The following SPARCL1 variants were observed in gnomAD, a reference collection of about 807,000 sequenced individuals.
The protein encoded by SPARCL1 is SPARC-like protein 1.
SPARCL1 carries 52 observed loss-of-function variants against 67.1 expected under a neutral mutation model. The ratio of observed to expected loss-of-function variants is 0.78; its 90% confidence interval spans 0.62 to 0.98. SPARCL1 has a LOEUF of 0.98. Ranked by LOEUF, SPARCL1 falls within the 50% of genes least tolerant of loss-of-function variation. The probability of loss-of-function intolerance (pLI) is 0.00; values close to 1 mark genes in which losing one functional copy is unlikely to be tolerated. For missense variants in SPARCL1, 717 were observed against 782.4 expected (o/e 0.92, Z 1.00); for synonymous variants, 226 against 267.8 (o/e 0.84, Z 1.52).
rs1723711316 is a variant in SPARCL1, at chr4:87,479,412, G to A, written c.1966+18C>T. 6.2e-7 allele frequency: 1 copy of A among 1,610,322 alleles called. No homozygotes were observed. Among genetic ancestry groups the A allele is most frequent in the African/African-American group, 1.3e-5 (1 of 74,822 alleles). ...GAGGAAGAAGACATCCCTCTTCTTT[G>A]GCTGGTGATGAATTTACCTTCTTTA... On this transcript the variant is annotated intron_variant, in intron 10 of 10. Coordinates refer to ENST00000282470, the MANE Select transcript of SPARCL1 (RefSeq NM_004684.6).
Position 87,493,972 on chromosome 4 carries a change from C to T in SPARCL1, c.828G>A (p.Met276Ile). The T allele has an allele frequency of 6.2e-7, 1 of 1,614,164 alleles. No individual in the cohort carries two copies. The change falls in exon 4 of 11, where the codon ATG (methionine) becomes ATA (isoleucine). Residue 276 changes from methionine to isoleucine, a missense_variant. Physicochemically the swap from Met to Ile is conservative, Grantham distance 10 (BLOSUM62 1). Transcript: ENST00000282470. Reference protein sequence around the residue: ...QEQEDNSNAEMEEENASNVNK... With the variant: ...QEQEDNSNAEIEEENASNVNK... ...TGACGTTCGATGCATTTTCCTCTTC[C>T]ATTTCTGCATTGGAGTTATCTTCTT...
intron 1 of SPARCL1, among the ~76,000 whole-genome samples, chr4:87,526,914 A>G (rs2110273112): frequency 6.6e-6 from 1 of 152,352 alleles, no homozygotes; most frequent in Admixed American, 6.5e-5. Context: ...TGATTTTATA[A>G]TCCCATTTCC....
intron 1 of SPARCL1, among the ~76,000 whole-genome samples, chr4:87,520,198 C>G (rs2110263794): frequency 6.8e-6 from 1 of 147,178 alleles, no homozygotes; most frequent in African/African-American, 2.5e-5. Flanking sequence ...CGAGATTGCA[C>G]CACTGCACAC....
At chr4:87,523,455 G>A (rs1176807091) in intron 1 of SPARCL1, among the ~76,000 whole-genome samples, 2 of 152,056 alleles carry the variant, frequency 1.3e-5, no homozygotes, top group Admixed American at 1.3e-4. Flanking sequence ...TTTTAAATAC[G>A]CCCTTTAAAA....
At chr4:87,513,116 G>A (rs1418107154) in intron 1 of SPARCL1, among the ~76,000 whole-genome samples, 1 of 152,158 alleles carries the variant, frequency 6.6e-6, no homozygotes, top group Non-Finnish European at 1.5e-5. Context: ...GATGTCTTGA[G>A]GCAGGGTTCC....
chr4:87,509,378 G>A (rs1374069142), intron 1 of SPARCL1, among the ~76,000 whole-genome samples: 1 of 152,140 alleles, frequency 6.6e-6, no homozygotes, highest in Non-Finnish European at 1.5e-5. Context: ...CTAGGAAGTG[G>A]CACAGCAGAT....
chr4:87,481,272 G>T (rs1011560135), intron 8 of SPARCL1, among the ~76,000 whole-genome samples: 2 of 152,070 alleles, frequency 1.3e-5, no homozygotes, highest in African/African-American at 4.8e-5. Context: ...ACGCCCTCTG[G>T]CAGTTGTGCG....
In SPARCL1 at chr4:87,494,303, T is replaced by G. The variant is rs1000936894; in HGVS notation, c.497A>C (p.Gln166Pro). 48 of 1,614,054 alleles carry G rather than the reference T, an allele frequency of 3.0e-5. No individual in the cohort carries two copies. In the Admixed American group the frequency reaches 7.8e-4, roughly 26 times the overall value. Residue 166 changes from glutamine (Q) to proline (P), a missense_variant, in exon 4 of 11, where the codon CAA (glutamine) becomes CCA (proline). Coordinates refer to ENST00000282470, the MANE Select transcript of SPARCL1 (RefSeq NM_004684.6). ...SITKREENQEQPRNYSHHQLN... is the reference protein window; with the variant it reads ...SITKREENQEPPRNYSHHQLN... ...CTGATGATGTGAATAATTTCTAGGTTGTTCTTGGTTTTCCTCTCTCTTTGT... is the reference window on the plus strand; with the variant it reads ...CTGATGATGTGAATAATTTCTAGGTGGTTCTTGGTTTTCCTCTCTCTTTGT...
At chr4:87,516,737 C>T (rs1725598302) in intron 1 of SPARCL1, among the ~76,000 whole-genome samples, 1 of 152,210 alleles carries the variant, frequency 6.6e-6, no homozygotes, top group African/African-American at 2.4e-5. Context: ...CTTTCTTGCT[C>T]AGGCGAAACT....
At chr4:87,495,874 T>C (rs1427328115) in intron 2 of SPARCL1, among the ~76,000 whole-genome samples, 1 of 152,212 alleles carries the variant, frequency 6.6e-6, no homozygotes, top group Non-Finnish European at 1.5e-5. Context: ...GAGGTTGCAG[T>C]GAGCTGAGAT....
chr4:87,500,495 T>C (rs1724799082), intron 1 of SPARCL1, among the ~76,000 whole-genome samples: 1 of 152,146 alleles, frequency 6.6e-6, no homozygotes, highest in Non-Finnish European at 1.5e-5. Context: ...TATCCCTAAG[T>C]CTGGTAGTCT....
In SPARCL1 at chr4:87,478,405, G is replaced by A. The variant is rs78289907; in HGVS notation, c.1966+1025C>T. 6.6e-5 allele frequency among the ~76,000 whole-genome samples: 10 copies of A among 151,550 alleles called. No individual in the cohort carries two copies. In the East Asian group the frequency reaches 1.9e-3, roughly 29 times the overall value. On this transcript the variant is annotated intron_variant, in intron 10 of 10. Transcript: ENST00000282470. ...TGTGTGTGTGTGGTGAGAATTGCGA[G>A]TAGATTTGAATGCTCATTGTTTGAA... is the stretch of plus-strand genomic sequence containing the variant.
chr4:87,524,160 A>G (rs1725939264), intron 1 of SPARCL1, among the ~76,000 whole-genome samples: 1 of 152,226 alleles, frequency 6.6e-6, no homozygotes, highest in African/African-American at 2.4e-5. Context: ...GAAAGATAAG[A>G]TGTTTTAATA....
At chr4:87,516,138 G>A (rs1725573161) in intron 1 of SPARCL1, among the ~76,000 whole-genome samples, 1 of 152,186 alleles carries the variant, frequency 6.6e-6, no homozygotes, top group Non-Finnish European at 1.5e-5. Flanking sequence ...TCATGTCACA[G>A]AAGACACTTC....
At chr4:87,489,960 T>G (rs1228153068) in intron 7 of SPARCL1, among the ~76,000 whole-genome samples, 3 of 152,214 alleles carry the variant, frequency 2.0e-5, no homozygotes, top group Non-Finnish European at 2.9e-5. Context: ...AAAATTCCAG[T>G]GATTCAACTC....
chr4:87,483,717 C>T (rs1325097005), intron 7 of SPARCL1, among the ~76,000 whole-genome samples: 1 of 152,206 alleles, frequency 6.6e-6, no homozygotes, highest in Non-Finnish European at 1.5e-5. Context: ...TGAAAGCGTT[C>T]CTATTTCTTC....
Position 87,499,575 on chromosome 4 carries a change from G to A in SPARCL1, c.-1C>T, listed in dbSNP as rs1415240959. ...ATAGGAAAAAAAGCCCAGTCTTCAT[G>A]CTTTCCAGATCTGTGAACCAAGAAG... On this transcript the variant is annotated 5_prime_UTR_variant, in exon 2 of 11. Coordinates refer to ENST00000282470, the MANE Select transcript of SPARCL1 (RefSeq NM_004684.6). The A allele has an allele frequency of 1.1e-5, 18 of 1,588,442 alleles. No homozygotes were observed. Among genetic ancestry groups the A allele is most frequent in the Non-Finnish European group, 1.4e-5 (17 of 1,173,506 alleles).
chr4:87,478,792 A>T (rs1723685771), intron 10 of SPARCL1, among the ~76,000 whole-genome samples: 1 of 152,174 alleles, frequency 6.6e-6, no homozygotes, highest in African/African-American at 2.4e-5. Context: ...AGCCTAACTT[A>T]AGGAAAGAAA....
At chr4:87,482,818 T>C (rs1200694389) in intron 7 of SPARCL1, among the ~76,000 whole-genome samples, 1 of 152,166 alleles carries the variant, frequency 6.6e-6, no homozygotes, top group African/African-American at 2.4e-5. Context: ...CAGGATGTTT[T>C]TAAAGCTCCA....
Sources: gnomAD v4.1 joint callset for allele counts (sites outside exome capture counted in the v4.1 genomes callset) on GRCh38, gnomAD v4.1.1 for gene constraint, MANE v1.5 for transcripts, NCBI Gene and HGNC (gene_info 2026-07-23, HGNC 2026-07-21) for gene names.